The following RUNX2 variants were observed in gnomAD, a reference collection of about 807,000 sequenced individuals.
RUNX2 encodes the protein runt-related transcription factor 2.
Under a neutral mutation model 51.7 loss-of-function variants are expected in RUNX2, and 10 were observed. The ratio of observed to expected loss-of-function variants is 0.19; its 90% CI spans 0.12 to 0.33. The LOEUF (loss-of-function observed/expected upper bound fraction) is 0.33, where lower values mean the gene tolerates loss of function less well. Among genes scored for constraint, RUNX2 ranks in the 10% least tolerant of loss-of-function variants. The pLI is 1.00. For synonymous variants in RUNX2, 276 were observed against 273.6 expected (o/e 1.01, Z -0.09); for missense variants, 562 against 691.3 (o/e 0.81, Z 2.10).
Position 45,550,795 on chromosome 6 carries a change from G to C in RUNX2, c.*3490G>C, listed in dbSNP as rs552941147. 3 of 152,624 alleles carry C rather than the reference G, an allele frequency of 2.0e-5. No individual in the cohort carries two copies. The East Asian group carries it at 5.8e-4, about 29-fold the overall frequency. The allele number at this position is 152,624 out of a possible 1,614,324, so 9.5% of individuals were successfully genotyped here. On this transcript the variant is annotated 3_prime_UTR_variant, in exon 9 of 9. Transcript: ENST00000647337. The stretch of plus-strand genomic sequence containing the variant: ...TTTGGATATGCTTTACCATTCTTAG[G>C]TTTCTGTGGAACAAAAATATTTGTA...
intron 2 of RUNX2, among the ~76,000 whole-genome samples, chr6:45,415,548 C>T (rs1798051007): frequency 6.6e-6 from 1 of 152,182 alleles, no homozygotes; most frequent in Non-Finnish European, 1.5e-5. Flanking sequence ...GGGGAAACTT[C>T]TGGCTACCGG....
chr6:45,331,055 G>A (rs1310355467), intron 2 of RUNX2, among the ~76,000 whole-genome samples: 3 of 151,980 alleles, frequency 2.0e-5, no homozygotes, highest in Admixed American at 6.6e-5. Context: ...TTTCCTAGGT[G>A]AGGTACAAAG....
intron 2 of RUNX2, among the ~76,000 whole-genome samples, chr6:45,344,464 G>A (rs1790444355): frequency 6.6e-6 from 1 of 151,536 alleles, no homozygotes; most frequent in South Asian, 2.1e-4. Context: ...GTCCAAATGA[G>A]CAGTGCCTTA....
chr6:45,430,887 G>A (rs1582104170), intron 3 of RUNX2, among the ~76,000 whole-genome samples: 1 of 152,250 alleles, frequency 6.6e-6, no homozygotes, highest in South Asian at 2.1e-4. Flanking sequence ...TGTTACCAAG[G>A]GGCAGGATCT....
At chr6:45,407,872 A>C (rs531142773) in intron 2 of RUNX2, among the ~76,000 whole-genome samples, 4 of 152,002 alleles carry the variant, frequency 2.6e-5, no homozygotes, top group Non-Finnish European at 5.9e-5. Context: ...CTATTTTTTC[A>C]GCAGAAAAAT....
intron 2 of RUNX2, among the ~76,000 whole-genome samples, chr6:45,388,826 T>G (rs1049024675): frequency 2.7e-5 from 4 of 147,284 alleles, no homozygotes; most frequent in African/African-American, 9.7e-5. Context: ...AAGCAAATAC[T>G]ATAAAAAAAA....
At chr6:45,516,516 T>C (rs903289380) in intron 7 of RUNX2, among the ~76,000 whole-genome samples, 3 of 152,348 alleles carry the variant, frequency 2.0e-5, no homozygotes, top group East Asian at 1.9e-4. Flanking sequence ...TTGATACATA[T>C]GGCCTCATCA....
chr6:45,379,763 G>A (rs2150341653), intron 2 of RUNX2, among the ~76,000 whole-genome samples: 1 of 152,270 alleles, frequency 6.6e-6, no homozygotes, highest in African/African-American at 2.4e-5. Flanking sequence ...CTACTCGGGA[G>A]GCTGAGGCAG....
At chr6:45,352,701 A>T (rs1169142040) in intron 2 of RUNX2, among the ~76,000 whole-genome samples, 1 of 152,130 alleles carries the variant, frequency 6.6e-6, no homozygotes, top group East Asian at 1.9e-4. Flanking sequence ...AATATTCATA[A>T]TCTACTGTAG....
chr6:45,376,785 T>C (rs898570880), intron 2 of RUNX2, among the ~76,000 whole-genome samples: 1 of 151,912 alleles, frequency 6.6e-6, no homozygotes, highest in African/African-American at 2.4e-5. Context: ...CAGGGCGAAT[T>C]TAATTCCTCT....
At chr6:45,391,634 G>T (rs772243767) in intron 2 of RUNX2, among the ~76,000 whole-genome samples, 1 of 152,162 alleles carries the variant, frequency 6.6e-6, no homozygotes, top group Admixed American at 6.5e-5. Context: ...AGCATGGCTG[G>T]GGAGGTTTCA....
chr6:45,513,868 A>T (rs1458826269), intron 7 of RUNX2, among the ~76,000 whole-genome samples: 2 of 152,218 alleles, frequency 1.3e-5, no homozygotes, highest in African/African-American at 4.8e-5. Flanking sequence ...GGAAAGGATG[A>T]GTAAGGCACA....
At chr6:45,431,828 G>GC (rs1260074031) in intron 3 of RUNX2, 35 bp from the exon 4 acceptor site, 27 of 1,610,508 alleles carry the variant, frequency 1.7e-5, no homozygotes, top group Non-Finnish European at 2.2e-5. Flanking sequence ...TTTCTGATGT[G>GC]CCATTATTGC....
At chr6:45,391,384 C>T (rs965137769) in intron 2 of RUNX2, among the ~76,000 whole-genome samples, 12 of 152,194 alleles carry the variant, frequency 7.9e-5, no homozygotes, top group African/African-American at 2.9e-4. Context: ...ACCTGCTTCA[C>T]CCTTCATCAT....
chr6:45,504,893 A>G (rs922288355), intron 6 of RUNX2, among the ~76,000 whole-genome samples: 1 of 152,206 alleles, frequency 6.6e-6, no homozygotes, highest in Admixed American at 6.5e-5. Flanking sequence ...TTTAGGGGGA[A>G]AATGGGTGGA....
chr6:45,373,520 C>A (rs1405320264), intron 2 of RUNX2, among the ~76,000 whole-genome samples: 2 of 152,044 alleles, frequency 1.3e-5, no homozygotes, highest in Non-Finnish European at 2.9e-5. Flanking sequence ...CAAAAAAGCA[C>A]CATTACTGTG....
intron 2 of RUNX2, among the ~76,000 whole-genome samples, chr6:45,404,213 T>C (rs1275572708): frequency 7.3e-6 from 1 of 136,482 alleles, no homozygotes; most frequent in African/African-American, 2.8e-5. Flanking sequence ...TGAGCTGAGA[T>C]TGTGCCACTG....
intron 5 of RUNX2, among the ~76,000 whole-genome samples, chr6:45,454,001 C>T (rs1363032179): frequency 3.3e-5 from 5 of 152,152 alleles, no homozygotes; most frequent in African/African-American, 1.2e-4. Context: ...AGACCTGGTG[C>T]AGCAGTTCCT....
At chr6:45,492,271 T>TA (rs566657443) in intron 6 of RUNX2, among the ~76,000 whole-genome samples, 157 bp downstream of exon 6, 9 of 151,998 alleles carry the variant, frequency 5.9e-5, no homozygotes, top group South Asian at 2.1e-4. Context: ...TCTTTTTTAT[T>TA]AAAAAAAATA....
Sources: allele counts gnomAD v4.1 joint callset (sites outside exome capture counted in the v4.1 genomes callset), GRCh38; gene constraint gnomAD v4.1.1; transcripts MANE v1.5; gene names NCBI Gene and HGNC (gene_info 2026-07-23, HGNC 2026-07-21).